MIPEP: variants seen among roughly 807,000 people sequenced by gnomAD.
MIPEP encodes mitochondrial intermediate peptidase.
In MIPEP, 79 loss-of-function variants were observed where a neutral mutation model predicts 90.3. The ratio of observed to expected loss-of-function variants is 0.87; its 90% CI spans 0.73 to 1.05. The LOEUF (loss-of-function observed/expected upper bound fraction) is 1.05, where lower values mean the gene tolerates loss of function less well. MIPEP is among the 50% of genes least tolerant of loss of function. The pLI is 0.00. For missense variants in MIPEP, 940 were observed against 905.6 expected, an observed-to-expected ratio of 1.04 and a Z score of -0.49; for synonymous variants, 334 against 315.8, an observed-to-expected ratio of 1.06 and a Z score of -0.61.
In MIPEP at chr13:23,866,734, G is replaced by C. The variant is rs189259264; in HGVS notation, c.944-2545C>G. Among the ~76,000 whole-genome samples, 19 of 152,268 alleles carry C rather than the reference G, an allele frequency of 1.2e-4. No individual in the cohort carries two copies. The Middle Eastern group carries it at 0.014, about 109-fold the overall frequency. Reference sequence around the variant, plus strand: ...CTTGTTCTTTAAGTTCACTCTCTTAGTGGTATCAGAATCTCATTTTAGAGG... The same window carrying C: ...CTTGTTCTTTAAGTTCACTCTCTTACTGGTATCAGAATCTCATTTTAGAGG... On this transcript the variant is annotated intron_variant, in intron 7 of 18. Coordinates refer to ENST00000382172, the MANE Select transcript of MIPEP (RefSeq NM_005932.4).
At chr13:23,856,559 G>T (rs531976225) in intron 10 of MIPEP, among the ~76,000 whole-genome samples, 68 of 152,258 alleles carry the variant, frequency 4.5e-4, no homozygotes, top group African/African-American at 1.5e-3. Context: ...TTCTAGGAAG[G>T]GGGTGCTAAC....
intron 16 of MIPEP, among the ~76,000 whole-genome samples, chr13:23,785,877 A>C (rs1266642865): frequency 6.6e-6 from 1 of 152,098 alleles, no homozygotes; most frequent in Non-Finnish European, 1.5e-5. Flanking sequence ...CTAGTATCTG[A>C]CAAAAAAATA....
Position 23,884,150 on chromosome 13 carries a change from T to A in MIPEP, c.363+2183A>T, listed in dbSNP as rs143087523. On this transcript the variant is annotated intron_variant, in intron 2 of 18. Transcript: ENST00000382172. ...TCAAAGGTATACAGGATTCCACCTA[T>A]GTGACATTCTAGAAAAGGCAAAACT... is the stretch of plus-strand genomic sequence containing the variant. Among the ~76,000 whole-genome samples the A allele has an allele frequency of 6.9e-3, 1,043 of 151,368 alleles. 22 individuals are homozygous for A. Among genetic ancestry groups the A allele is most frequent in the African/African-American group, 0.024 (985 of 41,108 alleles).
intron 16 of MIPEP, among the ~76,000 whole-genome samples, chr13:23,799,665 A>C (rs189504421): frequency 1.3e-4 from 20 of 152,306 alleles, no homozygotes; most frequent in Non-Finnish European, 2.6e-4. Context: ...GTGTCACTAT[A>C]ATATGCCAGT....
At chr13:23,849,231 C>G (rs1004315080) in intron 10 of MIPEP, among the ~76,000 whole-genome samples, 1 of 152,218 alleles carries the variant, frequency 6.6e-6, no homozygotes, top group Non-Finnish European at 1.5e-5. Context: ...ACATTTTCCT[C>G]TCTCATCTAG....
chr13:23,730,384 A>T lies in MIPEP; in HGVS notation c.2106T>A (p.Asp702Glu). 1 of 1,612,770 alleles carries T rather than the reference A, an allele frequency of 6.2e-7. No homozygotes were observed. Among genetic ancestry groups the T allele is most frequent in the South Asian group, 1.1e-5 (1 of 90,930 alleles). Residue 702 changes from aspartate (D) to glutamate (E), a missense_variant, in exon 19 of 19, where the codon GAT (aspartate) becomes GAA (glutamate). Transcript: ENST00000382172. ...CCATGAGGAAAGTTTCGAAGTCCAG[A>T]TCCAAGTCGGAAACGAGGGCACTTA... is the stretch of plus-strand genomic sequence containing the variant. ...DFVSALVSDL[D>E]LDFETFLMDS...
At chr13:23,790,449 A>C (rs1952887024) in intron 16 of MIPEP, among the ~76,000 whole-genome samples, 1 of 152,190 alleles carries the variant, frequency 6.6e-6, no homozygotes. Flanking sequence ...TGTGAATGTC[A>C]CCTTATTTGG....
rs772585786 is a variant in MIPEP, at chr13:23,837,683, A to C, written c.1412T>G (p.Met471Arg). ...CCTTGAGGAACGGGGAAGATTCAGC[A>C]TAAGAACTACAACTGGGAGTTGATA... Reference protein sequence around the residue: ...GDYQLPVVVLMLNLPRSSRSS... With the variant: ...GDYQLPVVVLRLNLPRSSRSS... Residue 471 changes from methionine (M) to arginine (R), a missense_variant, in exon 13 of 19, where the codon ATG becomes AGG. Physicochemically the swap from Met to Arg is moderately conservative, Grantham distance 91 (BLOSUM62 -1). Transcript: ENST00000382172. 6.2e-7 allele frequency: 1 copy of C among 1,614,208 alleles called. No individual in the cohort carries two copies. Among genetic ancestry groups the C allele is most frequent in the East Asian group, 2.2e-5 (1 of 44,890 alleles).
chr13:23,804,795 A>G (rs1953087812), intron 16 of MIPEP, among the ~76,000 whole-genome samples: 1 of 152,248 alleles, frequency 6.6e-6, no homozygotes, highest in African/African-American at 2.4e-5. Flanking sequence ...CTCTTAGCAC[A>G]ACATATTCTG....
chr13:23,823,644 C>A (rs909130326), intron 14 of MIPEP, among the ~76,000 whole-genome samples: 1 of 152,192 alleles, frequency 6.6e-6, no homozygotes, highest in Non-Finnish European at 1.5e-5. Flanking sequence ...GGCTGGGCAA[C>A]AGAACGAGAC....
chr13:23,889,028 C>T, intron 1 of MIPEP, 104 bp downstream of exon 1: 1 of 1,109,966 alleles, frequency 9.0e-7, no homozygotes, highest in Non-Finnish European at 1.2e-6. Flanking sequence ...TCGCTGCTCG[C>T]CTCCTCCCAG....
intron 1 of MIPEP, among the ~76,000 whole-genome samples, chr13:23,888,388 T>G (rs1436043287): frequency 6.6e-6 from 1 of 152,038 alleles, no homozygotes; most frequent in Non-Finnish European, 1.5e-5. Flanking sequence ...ATAACGAAAT[T>G]TTAAAAGGCA....
At chr13:23,834,665 G>A (rs1868943764) in intron 14 of MIPEP, among the ~76,000 whole-genome samples, 2 of 152,290 alleles carry the variant, frequency 1.3e-5, no homozygotes, top group South Asian at 4.1e-4. Context: ...GGCGAATGCC[G>A]CTTCTCTTTT....
Position 23,760,147 on chromosome 13 carries a change from G to A in MIPEP, c.1919C>T (p.Ala640Val), listed in dbSNP as rs546719717. 3.8e-5 allele frequency: 62 copies of A among 1,613,990 alleles called. No homozygotes were observed. The highest frequency in any genetic ancestry group is 5.0e-5 in the Non-Finnish European group (59 of 1,180,016). ...CTCCTTCCAAACCATGGAGGCGACC[G>A]CTCTGGACATGAGGTAAGAGTAATA... is the stretch of plus-strand genomic sequence containing the variant. ...ARYYSYLMSR[A>V]VASMVWKECF... The change falls in exon 17 of 19, where the codon GCG (alanine) becomes GTG (valine). Residue 640 changes from alanine to valine, a missense_variant. By Grantham distance (64) the Ala-to-Val change is moderately conservative (BLOSUM62 0). Coordinates refer to ENST00000382172, the MANE Select transcript of MIPEP (RefSeq NM_005932.4).
chr13:23,836,466 T>C (rs1254186995), intron 13 of MIPEP, 117 bp from the exon 14 acceptor site: 1 of 493,602 alleles, frequency 2.0e-6, no homozygotes, highest in East Asian at 3.3e-5. Context: ...TTTAATTCAT[T>C]AAATCAATAT....
At chr13:23,734,651 G>A (rs1172474891) in intron 18 of MIPEP, among the ~76,000 whole-genome samples, 2 of 152,100 alleles carry the variant, frequency 1.3e-5, no homozygotes, top group Non-Finnish European at 2.9e-5. Flanking sequence ...GCTATAAACT[G>A]AACCACACAT....
At chr13:23,809,812 T>G (rs747297615) in intron 15 of MIPEP, 38 bp downstream of exon 15, 1 of 1,302,254 alleles carries the variant, frequency 7.7e-7, no homozygotes, top group Non-Finnish European at 1.1e-6. Flanking sequence ...TTTGGGATAA[T>G]GACTCCGGAA....
chr13:23,735,365 T>TA (rs199598684), intron 18 of MIPEP, among the ~76,000 whole-genome samples: 140 of 152,000 alleles, frequency 9.2e-4, no homozygotes, highest in African/African-American at 2.9e-3. Flanking sequence ...TCCTTAAAAA[T>TA]AAAAAAAACT....
intron 16 of MIPEP, chr13:23,760,620 G>A (rs1370917153): frequency 1.9e-6 from 1 of 518,966 alleles, no homozygotes; most frequent in Non-Finnish European, 3.9e-6. Flanking sequence ...CTCGGGAGAA[G>A]CCAGATCTGC....
Sources: allele counts gnomAD v4.1 joint callset (sites outside exome capture counted in the v4.1 genomes callset), GRCh38; gene constraint gnomAD v4.1.1; transcripts MANE v1.5; gene names NCBI Gene and HGNC (gene_info 2026-07-23, HGNC 2026-07-21).